The following ARID1B variants were observed in gnomAD, a reference collection of about 807,000 sequenced individuals.
The protein encoded by ARID1B is AT-rich interactive domain-containing protein 1B.
In ARID1B, 30 loss-of-function variants were observed where a neutral mutation model predicts 212.3. The ratio of observed to expected loss-of-function variants is 0.14; its 90% CI spans 0.11 to 0.19. ARID1B has a LOEUF of 0.19. ARID1B is among the 10% of genes least tolerant of loss of function. The pLI, the probability that ARID1B is intolerant of heterozygous loss-of-function variation, is 1.00. For missense variants in ARID1B, 2,891 were observed against 3,204.0 expected (o/e 0.90, Z 2.36); for synonymous variants, 1,402 against 1,301.7 (o/e 1.08, Z -1.66).
At chr6:156,996,667 T>G (rs549401776) in intron 4 of ARID1B, among the ~76,000 whole-genome samples, 2 of 152,302 alleles carry the variant, frequency 1.3e-5, no homozygotes, top group Non-Finnish European at 2.9e-5. Flanking sequence ...GCATTTTGGG[T>G]TTTTTTGGAA....
intron 4 of ARID1B, among the ~76,000 whole-genome samples, chr6:156,953,636 C>A (rs761475061): frequency 6.6e-6 from 1 of 152,222 alleles, no homozygotes; most frequent in Non-Finnish European, 1.5e-5. Context: ...CCGTCCGCCT[C>A]ATAACCTTCC....
intron 3 of ARID1B, among the ~76,000 whole-genome samples, chr6:156,904,203 A>G (rs1012704368): frequency 2.6e-5 from 4 of 152,138 alleles, no homozygotes; most frequent in African/African-American, 9.7e-5. Context: ...TTTTTACACA[A>G]ATGATGGTGT....
At chr6:157,040,729 C>G (rs1438667763) in intron 4 of ARID1B, among the ~76,000 whole-genome samples, 1 of 152,194 alleles carries the variant, frequency 6.6e-6, no homozygotes, top group Non-Finnish European at 1.5e-5. Context: ...CTGAGAGTAA[C>G]TTTTTACTCT....
At chr6:157,202,777 T>C (rs753617227) in intron 18 of ARID1B, among the ~76,000 whole-genome samples, 15 of 150,452 alleles carry the variant, frequency 1.0e-4, no homozygotes, top group Non-Finnish European at 2.1e-4. Context: ...ATATATAGAA[T>C]ATGTGTGTGT....
At chr6:157,159,214 C>T (rs923815685) in intron 8 of ARID1B, among the ~76,000 whole-genome samples, 1 of 152,168 alleles carries the variant, frequency 6.6e-6, no homozygotes. Flanking sequence ...TGTATGGTTG[C>T]CAGGAAAGAG....
intron 5 of ARID1B, among the ~76,000 whole-genome samples, chr6:157,105,442 A>G (rs979599818): frequency 3.9e-5 from 6 of 152,226 alleles, no homozygotes; most frequent in African/African-American, 1.4e-4. Context: ...TCTCTAATAT[A>G]TGAAGAACCC....
At position 156,804,204 on chromosome 6, in the gene ARID1B, G is replaced by T. The variant is rs543707827; in HGVS notation, c.1791+24733G>T. 3.3e-5 allele frequency among the ~76,000 whole-genome samples: 5 copies of T among 152,116 alleles called. No individual in the cohort carries two copies. The Middle Eastern group carries it at 0.014, about 414-fold the overall frequency. On this transcript the variant is annotated intron_variant, in intron 1 of 19. Coordinates refer to ENST00000636930, the MANE Select transcript of ARID1B (RefSeq NM_001374828.1). ...ATACAAAAATTAGCTGGGTGTGGTG[G>T]TGCACGCCTGTAGTTCCAGCTTCTT...
chr6:156,922,508 TG>T (rs1790893841), intron 3 of ARID1B, among the ~76,000 whole-genome samples: 1 of 152,198 alleles, frequency 6.6e-6, no homozygotes, highest in Non-Finnish European at 1.5e-5. Context: ...TTAAGCAGTC[TG>T]GGCTTTTATT....
At chr6:156,859,151 C>T (rs562716311) in intron 2 of ARID1B, among the ~76,000 whole-genome samples, 4 of 152,240 alleles carry the variant, frequency 2.6e-5, no homozygotes, top group South Asian at 4.1e-4. Context: ...TCTTGCCTGT[C>T]GCCCAGGCTG....
chr6:157,146,190 C>T (rs947949984), intron 7 of ARID1B, among the ~76,000 whole-genome samples: 2 of 152,210 alleles, frequency 1.3e-5, no homozygotes, highest in African/African-American at 4.8e-5. Flanking sequence ...TTCCCCTCTT[C>T]TGCCACAGTC....
At chr6:157,057,487 C>T (rs117040058) in intron 4 of ARID1B, among the ~76,000 whole-genome samples, 2,248 of 152,050 alleles carry the variant, frequency 0.015, 25 homozygotes, top group Non-Finnish European at 0.02. Context: ...TGAGGTTTCA[C>T]TATGTTGTGC....
chr6:157,188,990 C>T (rs1165294764), intron 13 of ARID1B, among the ~76,000 whole-genome samples: 3 of 152,058 alleles, frequency 2.0e-5, no homozygotes, highest in African/African-American at 2.4e-5. Flanking sequence ...ATTAAAAAAA[C>T]GCCAAACCAG....
chr6:156,800,987 GCTGT>G (rs995210470), intron 1 of ARID1B, among the ~76,000 whole-genome samples: 4 of 152,212 alleles, frequency 2.6e-5, no homozygotes, highest in South Asian at 4.1e-4. Flanking sequence ...GTTGTCAGTA[GCTGT>G]CTGTCATAAG....
At chr6:157,191,196 C>G (rs1239188347) in intron 15 of ARID1B, among the ~76,000 whole-genome samples, 1 of 151,808 alleles carries the variant, frequency 6.6e-6, no homozygotes, top group East Asian at 1.9e-4. Flanking sequence ...CTGTGAGAGT[C>G]TAGGGGGAGC....
intron 1 of ARID1B, among the ~76,000 whole-genome samples, chr6:156,783,384 GAC>G (rs931783345): frequency 6.6e-6 from 1 of 151,552 alleles, no homozygotes; most frequent in African/African-American, 2.4e-5. Context: ...AAAAATGTAA[GAC>G]AATGTAGAGG....
At chr6:156,878,254 T>C (rs1175671596) in intron 2 of ARID1B, among the ~76,000 whole-genome samples, 1 of 152,046 alleles carries the variant, frequency 6.6e-6, no homozygotes, top group Non-Finnish European at 1.5e-5. Flanking sequence ...TTCTTAGGTG[T>C]AAGCGATGAA....
At chr6:156,989,323 C>A (rs1387754674) in intron 4 of ARID1B, among the ~76,000 whole-genome samples, 2 of 152,064 alleles carry the variant, frequency 1.3e-5, no homozygotes, top group Non-Finnish European at 2.9e-5. Context: ...CGTCTTATGT[C>A]CTGGTGGTCA....
At chr6:157,072,429 CA>C (rs1784052528) in intron 4 of ARID1B, 2 of 152,160 alleles carry the variant, frequency 1.3e-5, no homozygotes, top group African/African-American at 4.8e-5. Flanking sequence ...ACCTGTTAGG[CA>C]TTTAAAAAGG....
At chr6:157,112,452 G>A (rs1786995200) in intron 6 of ARID1B, among the ~76,000 whole-genome samples, 1 of 152,142 alleles carries the variant, frequency 6.6e-6, no homozygotes, top group African/African-American at 2.4e-5. Context: ...TGCCTACTCG[G>A]GTCAGGCAGA....
Sources: gnomAD v4.1 joint callset for allele counts (sites outside exome capture counted in the v4.1 genomes callset) on GRCh38, gnomAD v4.1.1 for gene constraint, MANE v1.5 for transcripts, NCBI Gene and HGNC (gene_info 2026-07-23, HGNC 2026-07-21) for gene names.